Variants in ARGLU1 observed in about 807,000 individuals in gnomAD.
ARGLU1 encodes arginine and glutamate-rich protein 1.
In ARGLU1, 9 loss-of-function variants were observed where a neutral mutation model predicts 37.6. The ratio of observed to expected loss-of-function variants is 0.24; its 90% CI spans 0.14 to 0.42. ARGLU1 has a LOEUF of 0.42. Among genes scored for constraint, ARGLU1 ranks in the 10% least tolerant of loss-of-function variants. The probability of loss-of-function intolerance (pLI) is 1.00; values close to 1 mark genes in which losing one functional copy is unlikely to be tolerated. For synonymous variants in ARGLU1, 166 were observed against 138.5 expected (o/e 1.20, Z -1.39); for missense variants, 211 against 359.2 (o/e 0.59, Z 3.34).
rs1425299207 is a variant in ARGLU1 at position 106,568,062 on chromosome 13, C to T, written c.-143G>A. On this transcript the variant is annotated 5_prime_UTR_variant, in exon 1 of 4. Coordinates refer to ENST00000400198, the MANE Select transcript of ARGLU1 (RefSeq NM_018011.4). ...GGCCAACGGACTTTATGCCTTTTCCCGGCGTCTACAGCTGCCACGAAGGCC... is the reference window on the plus strand; with the variant it reads ...GGCCAACGGACTTTATGCCTTTTCCTGGCGTCTACAGCTGCCACGAAGGCC... 3.1e-6 allele frequency: 4 copies of T among 1,308,012 alleles called. No homozygotes were observed. The highest frequency in any genetic ancestry group is 4.0e-6 in the Non-Finnish European group (4 of 1,001,662). 81.0% of individuals were successfully genotyped at this position (1,308,012 alleles called of 1,614,324 possible). A position where few individuals can be genotyped will look rare whatever the true frequency, so the allele number is the denominator to read the frequency against.
At chr13:106,551,661 G>A (rs2391343) in intron 3 of ARGLU1, among the ~76,000 whole-genome samples, 1 of 151,978 alleles carries the variant, frequency 6.6e-6, no homozygotes, top group Non-Finnish European at 1.5e-5. Context: ...TCACTGGGCT[G>A]AAAGCAAGGT....
At position 106,552,312 on chromosome 13, in the gene ARGLU1, A is replaced by T. The variant is rs117704224; in HGVS notation, c.657+4736T>A. 5.4e-3 allele frequency among the ~76,000 whole-genome samples: 828 copies of T among 152,330 alleles called. 17 individuals are homozygous for T. The highest frequency in any genetic ancestry group is 0.039 in the East Asian group (203 of 5,186). On this transcript the variant is annotated intron_variant, in intron 3 of 3. Coordinates refer to ENST00000400198, the MANE Select transcript of ARGLU1 (RefSeq NM_018011.4). ...TGTAAATCTAGAATTTATAACTTGC[A>T]TATACTTTAAAACCCCAAACACCCC...
Position 106,557,184 on chromosome 13 carries a change from T to A in ARGLU1, c.574-53A>T. On this transcript the variant is annotated intron_variant, in intron 2 of 3. Transcript: ENST00000400198. This position sits in a 1 kb window ranked among gnomAD's most constrained non-coding sequence, Gnocchi z 5.0. ...AGAAAAACAAAATGTTTATTTTTATTGATAAATATTTACTAATCTTCCTCT... is the reference window on the plus strand; with the variant it reads ...AGAAAAACAAAATGTTTATTTTTATAGATAAATATTTACTAATCTTCCTCT... 2 of 1,439,160 alleles carry A rather than the reference T, an allele frequency of 1.4e-6. No homozygotes were observed. Among genetic ancestry groups the A allele is most frequent in the Non-Finnish European group, 1.9e-6 (2 of 1,030,108 alleles). The allele number at this position is 1,439,160 out of a possible 1,614,324, so 89.1% of individuals were successfully genotyped here.
rs978838200 is a variant in ARGLU1, at chr13:106,546,758, T to C, written c.658-2598A>G. On this transcript the variant is annotated intron_variant, in intron 3 of 3. Transcript: ENST00000400198. The stretch of plus-strand genomic sequence containing the variant: ...ACCCTAGGAAAGCATCCTAGAGCCC[T>C]GGAGAGTGAGGGTACATAAAGAACA... Among the ~76,000 whole-genome samples the C allele has an allele frequency of 1.2e-4, 18 of 152,280 alleles. 1 individual carries two copies. The highest frequency in any genetic ancestry group is 1.2e-3 in the Admixed American group (18 of 15,296).
At chr13:106,548,676 TAC>T (rs969647253) in intron 3 of ARGLU1, among the ~76,000 whole-genome samples, 2 of 152,100 alleles carry the variant, frequency 1.3e-5, no homozygotes, top group African/African-American at 4.8e-5. Context: ...TGGTAAGAAG[TAC>T]ACACACAAAA....
chr13:106,562,962 G>A (rs2138975895), intron 1 of ARGLU1, among the ~76,000 whole-genome samples: 2 of 130,768 alleles, frequency 1.5e-5, no homozygotes, highest in South Asian at 5.1e-4. Context: ...CTGCACTCCA[G>A]CCTGGGCGAC....
intron 1 of ARGLU1, chr13:106,561,832 A>G (rs1004082577): frequency 1.3e-5 from 2 of 152,268 alleles, no homozygotes; most frequent in Admixed American, 1.3e-4. Flanking sequence ...ATTTACTTAC[A>G]GCAAATGCCA....
rs1880323960 is a variant in ARGLU1 at position 106,543,829 on chromosome 13, A to G, written c.*167T>C. ...AAGGATTTGACTTAGTGGAAGGAAA[A>G]AAAAAAAAAAAAAGGGAATTGCAGA... On this transcript the variant is annotated 3_prime_UTR_variant, in exon 4 of 4. Transcript: ENST00000400198. 12 of 433,418 alleles carry G rather than the reference A, an allele frequency of 2.8e-5. No individual in the cohort carries two copies. The highest frequency in any genetic ancestry group is 3.9e-6 in the Non-Finnish European group (1 of 257,004). The allele number at this position is 433,418 out of a possible 1,614,324, so 26.8% of individuals were successfully genotyped here.
chr13:106,567,913 G>C lies in ARGLU1; in HGVS notation c.7C>G (p.Arg3Gly). 6.2e-7 allele frequency: 1 copy of C among 1,607,392 alleles called. No individual in the cohort carries two copies. Among genetic ancestry groups the C allele is most frequent in the Non-Finnish European group, 8.5e-7 (1 of 1,179,172 alleles). Reference sequence around the variant, plus strand: ...CGGGACGAGCTCCGGCTCCGAGACCGGCCCATCCTTCCGGGAGACGCTCTA... The same window carrying C: ...CGGGACGAGCTCCGGCTCCGAGACCCGCCCATCCTTCCGGGAGACGCTCTA... The part of the protein sequence containing the change: MG[R>G]SRSRSSSRSK... The change falls in exon 1 of 4, where the codon CGG (arginine) becomes GGG (glycine). Residue 3 changes from arginine (R) to glycine (G), a missense_variant. Physicochemically the swap from Arg to Gly is moderately radical, Grantham distance 125. Transcript: ENST00000400198. This position sits in a 1 kb window ranked among gnomAD's most constrained non-coding sequence, Gnocchi z 4.3.
chr13:106,558,927 T>C, intron 2 of ARGLU1: 4 of 985,104 alleles, frequency 4.1e-6, no homozygotes, highest in Non-Finnish European at 4.8e-6. Flanking sequence ...GAGTGAGGGA[T>C]AAAAGAAGGA....
At chr13:106,545,241 G>A (rs1212847269) in intron 3 of ARGLU1, among the ~76,000 whole-genome samples, 1 of 152,178 alleles carries the variant, frequency 6.6e-6, no homozygotes, top group Non-Finnish European at 1.5e-5. Flanking sequence ...TGCCAAAATT[G>A]AGAAAGCCTG....
chr13:106,558,149 A>AAAAAGC, intron 2 of ARGLU1: 2 of 985,232 alleles, frequency 2.0e-6, no homozygotes, highest in Non-Finnish European at 2.4e-6. Flanking sequence ...TATGAAACAA[A>AAAAAGC]AAAAGCAAAT....
At chr13:106,563,349 C>T (rs1244856781) in intron 1 of ARGLU1, among the ~76,000 whole-genome samples, 1 of 152,170 alleles carries the variant, frequency 6.6e-6, no homozygotes, top group Non-Finnish European at 1.5e-5. Flanking sequence ...AGTTTCTAGA[C>T]TCGAGCACAC....
intron 3 of ARGLU1, among the ~76,000 whole-genome samples, chr13:106,555,376 G>T (rs989634670): frequency 6.6e-6 from 1 of 151,776 alleles, no homozygotes; most frequent in Admixed American, 6.6e-5. Flanking sequence ...ACAAAACAAA[G>T]CAAGAATAGT....
At chr13:106,558,970 A>G in intron 2 of ARGLU1, 1 of 985,454 alleles carries the variant, frequency 1.0e-6, no homozygotes, top group Non-Finnish European at 1.2e-6. Flanking sequence ...TATTTATCAA[A>G]GCAGGTGCTA....
intron 3 of ARGLU1, among the ~76,000 whole-genome samples, chr13:106,553,099 T>C (rs922440531): frequency 3.3e-5 from 5 of 152,136 alleles, no homozygotes; most frequent in Admixed American, 3.3e-4. Flanking sequence ...AGTATTTCTA[T>C]GTGATAAAAA....
At chr13:106,552,325 C>T (rs1017626867) in intron 3 of ARGLU1, among the ~76,000 whole-genome samples, 6 of 152,246 alleles carry the variant, frequency 3.9e-5, no homozygotes, top group Non-Finnish European at 7.4e-5. Flanking sequence ...TACTTTAAAA[C>T]CCCAAACACC....
chr13:106,553,164 C>T (rs929449731), intron 3 of ARGLU1, among the ~76,000 whole-genome samples: 4 of 152,266 alleles, frequency 2.6e-5, no homozygotes, highest in East Asian at 1.9e-4. Flanking sequence ...TATAAAGTTA[C>T]ACGTAAGACT....
In ARGLU1 at chr13:106,552,477, T is replaced by G. The variant is rs116454955; in HGVS notation, c.657+4571A>C. The stretch of plus-strand genomic sequence containing the variant: ...CACTAGCCAGGTTGTACGGTTTGTA[T>G]TTTACAATCTTGACAAGGGTATAGA... On this transcript the variant is annotated intron_variant, in intron 3 of 3. Transcript: ENST00000400198. Among the ~76,000 whole-genome samples, 287 of 152,338 alleles carry G rather than the reference T, an allele frequency of 1.9e-3. 1 individual carries two copies. The highest frequency in any genetic ancestry group is 6.5e-3 in the African/African-American group (269 of 41,586).
Sources: allele counts gnomAD v4.1 joint callset (sites outside exome capture counted in the v4.1 genomes callset), GRCh38; gene constraint gnomAD v4.1.1; non-coding constraint Gnocchi (gnomAD v3.1); transcripts MANE v1.5; gene names NCBI Gene and HGNC (gene_info 2026-07-23, HGNC 2026-07-21).